The following ZNF234 variants were observed in gnomAD, a reference collection of about 807,000 sequenced individuals.
ZNF234 encodes the protein C2-H2 type zinc finger protein.
Under a neutral mutation model 10.3 loss-of-function variants are expected in ZNF234, and 4 were observed. The observed-to-expected ratio is 0.39, with a 90% CI of 0.19 to 0.89. The LOEUF (loss-of-function observed/expected upper bound fraction) is 0.89, where lower values mean the gene tolerates loss of function less well. Ranked by LOEUF, ZNF234 falls within the 40% of genes least tolerant of loss-of-function variation. ZNF234 has a pLI of 0.38. For synonymous variants in ZNF234, 258 were observed against 280.1 expected (o/e 0.92, Z 0.79); for missense variants, 711 against 836.1 (o/e 0.85, Z 1.85).
At position 44,156,316 on chromosome 19, in the gene ZNF234, G is replaced by A; in HGVS notation, c.300G>A (p.Trp100Ter). The change falls in exon 6 of 6, where the codon TGG becomes TGA. Residue 100 changes from tryptophan to a stop codon, truncating the protein, a stop_gained. Coordinates refer to ENST00000426739, the MANE Select transcript of ZNF234 (RefSeq NM_006630.3). LOFTEE classifies it low-confidence loss of function (END_TRUNC). ...PEAGRHEELY[W>*]GQIWKQIASD... ...CAGGACGACATGAAGAGCTTTACTG[G>A]GGGCAAATCTGGAAACAGATTGCAA... 1 of 1,603,056 alleles carries A rather than the reference G, an allele frequency of 6.2e-7. No homozygotes were observed. The highest frequency in any genetic ancestry group is 2.2e-5 in the East Asian group (1 of 44,858).
chr19:44,154,898 A>G (rs920120426), intron 5 of ZNF234, among the ~76,000 whole-genome samples: 29 of 151,908 alleles, frequency 1.9e-4, no homozygotes, highest in African/African-American at 7.0e-4. Context: ...CAGCCTCCCA[A>G]CATGCTTGGA....
Position 44,150,514 on chromosome 19 carries a change from C to G in ZNF234, c.235+9C>G, listed in dbSNP as rs780360126. On this transcript the variant is annotated intron_variant, in intron 5 of 5. Transcript: ENST00000426739. The stretch of plus-strand genomic sequence containing the variant: ...AAGAAAAGGGAAATCAGGTAAGAAC[C>G]AAGCAGCTAAGAGTCCTTGTACGTG... The G allele has an allele frequency of 6.4e-7, 1 of 1,567,428 alleles. No homozygotes were observed. The highest frequency in any genetic ancestry group is 8.7e-7 in the Non-Finnish European group (1 of 1,155,442).
At chr19:44,147,735 C>G (rs1968635041) in intron 3 of ZNF234, among the ~76,000 whole-genome samples, 1 of 151,974 alleles carries the variant, frequency 6.6e-6, no homozygotes, top group African/African-American at 2.4e-5. Context: ...GCCTATAATC[C>G]CAGCTACTCG....
Position 44,156,864 on chromosome 19 carries a change from C to A in ZNF234, c.848C>A (p.Thr283Asn), listed in dbSNP as rs1337841211. 10 of 1,613,358 alleles carry A rather than the reference C, an allele frequency of 6.2e-6. No homozygotes were observed. Among genetic ancestry groups the A allele is most frequent in the Non-Finnish European group, 6.8e-6 (8 of 1,179,560 alleles). The change falls in exon 6 of 6, where the codon ACT becomes AAT. Residue 283 changes from threonine to asparagine, a missense_variant. Physicochemically the swap from Thr to Asn is moderately conservative, Grantham distance 65. Coordinates refer to ENST00000426739, the MANE Select transcript of ZNF234 (RefSeq NM_006630.3). ...CTTCAGGAACATCAGAGAATTCATA[C>A]TGGGGAGAAACCATTCAAATGTGAT... ...SHLQEHQRIH[T>N]GEKPFKCDTC...
At position 44,156,904 on chromosome 19, in the gene ZNF234, C is replaced by T; in HGVS notation, c.888C>T (p.Asn296=). 1 of 1,613,870 alleles carries T rather than the reference C, an allele frequency of 6.2e-7. No homozygotes were observed. The highest frequency in any genetic ancestry group is 1.1e-5 in the South Asian group (1 of 91,040). Residue 296 remains asparagine, a synonymous_variant, in exon 6 of 6, where the codon AAC becomes AAT. Transcript: ENST00000426739. Reference sequence around the variant, plus strand: ...TCAAATGTGATACATGTGGTAAGAACTTCCGTCGTAGATCAGCACTTAATA... The same window carrying T: ...TCAAATGTGATACATGTGGTAAGAATTTCCGTCGTAGATCAGCACTTAATA... ...KPFKCDTCGK[N]FRRRSALNNH... is the part of the protein sequence containing the mutation.
At chr19:44,150,978 G>A (rs1414431164) in intron 5 of ZNF234, among the ~76,000 whole-genome samples, 1 of 151,438 alleles carries the variant, frequency 6.6e-6, no homozygotes, top group African/African-American at 2.4e-5. Context: ...GTTGCAGTGA[G>A]CCAAGATCGC....
At chr19:44,152,406 A>C (rs527472536) in intron 5 of ZNF234, among the ~76,000 whole-genome samples, 26 of 152,342 alleles carry the variant, frequency 1.7e-4, no homozygotes, top group African/African-American at 5.5e-4. Context: ...CAGCTAGGAC[A>C]GGTCATACAC....
intron 2 of ZNF234, among the ~76,000 whole-genome samples, chr19:44,143,630 AAAG>A (rs1694517348): frequency 6.6e-6 from 1 of 151,084 alleles, no homozygotes; most frequent in East Asian, 1.9e-4. Flanking sequence ...AAAAAAAAAA[AAAG>A]AAAACCCGTC....
At chr19:44,145,612 G>T (rs988128759) in intron 3 of ZNF234, among the ~76,000 whole-genome samples, 1 of 152,050 alleles carries the variant, frequency 6.6e-6, no homozygotes, top group Non-Finnish European at 1.5e-5. Flanking sequence ...GGCTAGTCTC[G>T]AACTCCTAAC....
chr19:44,148,736 A>G, intron 3 of ZNF234, 35 bp from the exon 4 acceptor site: 1 of 1,610,760 alleles, frequency 6.2e-7, no homozygotes, highest in Non-Finnish European at 8.5e-7. Flanking sequence ...AGAGTTTGTT[A>G]AAAAGGCTGA....
chr19:44,150,375 G>A, intron 4 of ZNF234, 38 bp from the exon 5 acceptor site: 1 of 1,507,808 alleles, frequency 6.6e-7, no homozygotes, highest in East Asian at 2.4e-5. Flanking sequence ...TGTACCTTTA[G>A]TGTGTTTGTT....
In ZNF234 at chr19:44,156,811, T is replaced by A. The variant is rs1568553902; in HGVS notation, c.795T>A (p.Cys265Ter). Residue 265 changes from cysteine to a stop codon, truncating the protein, a stop_gained, in exon 6 of 6, where the codon TGT becomes TGA. Coordinates refer to ENST00000426739, the MANE Select transcript of ZNF234 (RefSeq NM_006630.3). LOFTEE classifies it low-confidence loss of function (END_TRUNC). ...AGAAACCTTACAATTGTGAGGAATGTGGAAGGGCCTTCATACATGCTTCCC... is the reference window on the plus strand; with the variant it reads ...AGAAACCTTACAATTGTGAGGAATGAGGAAGGGCCTTCATACATGCTTCCC... ...SGEKPYNCEE[C>*]GRAFIHASHL... 6.2e-7 allele frequency: 1 copy of A among 1,609,430 alleles called. No homozygotes were observed. The highest frequency in any genetic ancestry group is 8.5e-7 in the Non-Finnish European group (1 of 1,176,570).
chr19:44,149,690 T>TG (rs1468838201), intron 4 of ZNF234: 1 of 152,004 alleles, frequency 6.6e-6, no homozygotes, highest in Non-Finnish European at 1.5e-5. Flanking sequence ...TTTTATGGAC[T>TG]GGGAAGGGGA....
chr19:44,143,175 A>G (rs1444321437), intron 2 of ZNF234, among the ~76,000 whole-genome samples: 1 of 117,848 alleles, frequency 8.5e-6, no homozygotes, highest in Admixed American at 9.8e-5. Flanking sequence ...AGGGCAGGGC[A>G]TGGTGGGTCA....
intron 2 of ZNF234, among the ~76,000 whole-genome samples, chr19:44,143,090 T>A (rs547757226): frequency 1.3e-3 from 199 of 152,348 alleles, no homozygotes; most frequent in African/African-American, 4.5e-3. Context: ...GACTATTTCC[T>A]GATTTTTTAA....
Position 44,157,003 on chromosome 19 carries a change from A to T in ZNF234, c.987A>T (p.Ser329=), listed in dbSNP as rs61730386. 2 of 1,614,086 alleles carry T rather than the reference A, an allele frequency of 1.2e-6. No individual in the cohort carries two copies. The highest frequency in any genetic ancestry group is 2.2e-5 in the South Asian group (2 of 91,086). The change falls in exon 6 of 6, where the codon TCA becomes TCT. Residue 329 remains serine, a synonymous_variant. Coordinates refer to ENST00000426739, the MANE Select transcript of ZNF234 (RefSeq NM_006630.3). The part of the protein sequence containing the change: ...EDCGKCFTCS[S]NLRIHQRVHT... Reference sequence around the variant, plus strand: ...GTGGTAAGTGTTTCACTTGTAGCTCAAACCTTCGTATCCATCAAAGGGTCC... The same window carrying T: ...GTGGTAAGTGTTTCACTTGTAGCTCTAACCTTCGTATCCATCAAAGGGTCC...
chr19:44,149,398 A>C (rs1232378552), intron 4 of ZNF234, among the ~76,000 whole-genome samples: 1 of 152,174 alleles, frequency 6.6e-6, no homozygotes, highest in East Asian at 1.9e-4. Flanking sequence ...TAGTGAGCCT[A>C]GATCACGCCA....
chr19:44,158,293 C>T lies in ZNF234; in HGVS notation c.*174C>T. On this transcript the variant is annotated 3_prime_UTR_variant, in exon 6 of 6. Transcript: ENST00000426739. The stretch of plus-strand genomic sequence containing the variant: ...TTTTGTTTTGAAACAGAATCTCGCT[C>T]TGTTGCCCATGCTGGATGCAGTGGT... 1 of 730,038 alleles carries T rather than the reference C, an allele frequency of 1.4e-6. No individual in the cohort carries two copies. The highest frequency in any genetic ancestry group is 1.5e-5 in the South Asian group (1 of 65,224). The allele number at this position is 730,038 out of a possible 1,614,324, so 45.2% of individuals were successfully genotyped here.
At position 44,158,251 on chromosome 19, in the gene ZNF234, TTTTTTTGTTTTTTA is replaced by T; in HGVS notation, c.*144_*157del. On this transcript the variant is annotated 3_prime_UTR_variant, in exon 6 of 6. Coordinates refer to ENST00000426739, the MANE Select transcript of ZNF234 (RefSeq NM_006630.3). ...AACGCTCCACATTTCCACCTAGACT[TTTTTTTGTTTTTTA>T]TTTTTTGTTTTGAAACAGAATCTCG... 9.5e-7 allele frequency: 1 copy of T among 1,051,852 alleles called. No individual in the cohort carries two copies. The highest frequency in any genetic ancestry group is 1.4e-6 in the Non-Finnish European group (1 of 694,640). The allele number at this position is 1,051,852 out of a possible 1,614,324, so 65.2% of individuals were successfully genotyped here.
Sources: allele counts gnomAD v4.1 joint callset (sites outside exome capture counted in the v4.1 genomes callset), GRCh38; gene constraint gnomAD v4.1.1; transcripts MANE v1.5; gene names NCBI Gene and HGNC (gene_info 2026-07-23, HGNC 2026-07-21).